MICAL3: variants seen among roughly 807,000 people sequenced by gnomAD.
MICAL3 encodes [F-actin]-monooxygenase MICAL3.
In MICAL3, 62 loss-of-function variants were observed where a neutral mutation model predicts 207.4. That is an observed-to-expected ratio of 0.30 (90% CI 0.24 to 0.37). The LOEUF (loss-of-function observed/expected upper bound fraction) is 0.37. Among genes scored for constraint, MICAL3 ranks in the 10% least tolerant of loss-of-function variants. MICAL3 has a pLI of 1.00. For missense variants in MICAL3, 2,368 were observed against 2,635.6 expected (o/e 0.90, Z 2.22); for synonymous variants, 1,077 against 1,069.3 (o/e 1.01, Z -0.14).
At chr22:17,974,468 T>C (rs960858682) in intron 1 of MICAL3, among the ~76,000 whole-genome samples, 1 of 152,170 alleles carries the variant, frequency 6.6e-6, no homozygotes, top group African/African-American at 2.4e-5. Context: ...TCCCAACACT[T>C]TGGGAGGCCA....
At chr22:17,851,220 A>G (rs1925294995) in intron 19 of MICAL3, among the ~76,000 whole-genome samples, 1 of 152,216 alleles carries the variant, frequency 6.6e-6, no homozygotes, top group Non-Finnish European at 1.5e-5. Flanking sequence ...ACAGTTACAT[A>G]ACAAGTAATC....
At chr22:17,917,440 C>T (rs113798410) in intron 1 of MICAL3, among the ~76,000 whole-genome samples, 12 of 152,296 alleles carry the variant, frequency 7.9e-5, no homozygotes, top group African/African-American at 1.2e-4. Flanking sequence ...CTGTGTTCTA[C>T]CTTCAAATAC....
chr22:17,938,290 G>T (rs150826827), intron 1 of MICAL3, among the ~76,000 whole-genome samples: 196 of 152,282 alleles, frequency 1.3e-3, no homozygotes, highest in African/African-American at 4.6e-3. Flanking sequence ...GAACTCACAG[G>T]TGTCAAGAAT....
chr22:17,961,572 T>A (rs9605455), intron 1 of MICAL3, among the ~76,000 whole-genome samples: 7,968 of 152,168 alleles, frequency 0.052, 402 homozygotes, highest in African/African-American at 0.13. Context: ...CCAGAGCCCC[T>A]TGCCAAGCCT....
chr22:17,818,166 G>C lies in MICAL3; in HGVS notation c.4495C>G (p.Arg1499Gly), dbSNP rs373213687. The C allele has an allele frequency of 1.6e-5, 26 of 1,590,714 alleles. No homozygotes were observed. Among genetic ancestry groups the C allele is most frequent in the Non-Finnish European group, 2.0e-5 (23 of 1,170,750 alleles). ...PLPATWMRPP[R>G]EPAQPPREEV... ...TCTCTGGGGGGCTGAGCAGGCTCCCGGGGGGGCCGCATCCAGGTGGCGGGC... is the reference window on the plus strand; with the variant it reads ...TCTCTGGGGGGCTGAGCAGGCTCCCCGGGGGGCCGCATCCAGGTGGCGGGC... The change falls in exon 26 of 32, where the codon CGG becomes GGG. Residue 1499 changes from arginine to glycine, a missense_variant. This residue lies in a region of MICAL3 where 1,770 missense variants were observed against 1,863.2 expected (regional missense o/e 0.95). Transcript: ENST00000441493.
At chr22:17,899,285 T>C in intron 7 of MICAL3, 163 bp downstream of exon 7, 1 of 699,340 alleles carries the variant, frequency 1.4e-6, no homozygotes, top group Non-Finnish European at 2.6e-6. Context: ...TAGCCATAGT[T>C]AAGAGTTGTT....
chr22:17,992,954 G>A (rs181712328), intron 1 of MICAL3, among the ~76,000 whole-genome samples: 80 of 152,256 alleles, frequency 5.3e-4, no homozygotes, highest in East Asian at 5.0e-3. Context: ...AAGGCGAAGC[G>A]ATCACTGTTA....
chr22:17,955,364 C>G (rs1046509654), intron 1 of MICAL3, among the ~76,000 whole-genome samples: 30 of 152,204 alleles, frequency 2.0e-4, no homozygotes, highest in African/African-American at 6.5e-4. Context: ...CCCCAACACC[C>G]GCTCTTACCC....
chr22:17,845,975 C>T lies in MICAL3; in HGVS notation c.2606-3958G>A, dbSNP rs375770462. Among the ~76,000 whole-genome samples the T allele has an allele frequency of 3.9e-5, 6 of 152,238 alleles. No individual in the cohort carries two copies. The South Asian group carries it at 1.2e-3, about 32-fold the overall frequency. ...TGGGTTGTCAGGCAACAGAACTTGG[C>T]AGTCCAAGCCCAGGGCCAGAGCTCT... On this transcript the variant is annotated intron_variant, in intron 19 of 31. Coordinates refer to ENST00000441493, the MANE Select transcript of MICAL3 (RefSeq NM_015241.3).
At chr22:17,804,992 C>T (rs577581671) in intron 29 of MICAL3, among the ~76,000 whole-genome samples, 6 of 152,298 alleles carry the variant, frequency 3.9e-5, no homozygotes, top group South Asian at 2.1e-4. Flanking sequence ...CCTGGCCATA[C>T]GTCGTCATAC....
chr22:17,929,568 C>CTTTTT lies in MICAL3; in HGVS notation c.-74-22687_-74-22683dup, dbSNP rs67222681. ...ATTTTTCTTTCTTTCCTTTTCTTTT[C>CTTTTT]TTTTTTTTTTTTTTTTTTTGACAGG... On this transcript the variant is annotated intron_variant, in intron 1 of 31. Transcript: ENST00000441493. Among the ~76,000 whole-genome samples the CTTTTT allele has an allele frequency of 2.6e-3, 283 of 108,884 alleles. 3 individuals carry two copies. Among genetic ancestry groups the CTTTTT allele is most frequent in the Middle Eastern group, 6.3e-3 (1 of 160 alleles). The allele number at this position is 108,884 out of a possible 152,430, so 71.4% of individuals were successfully genotyped here.
At position 17,888,436 on chromosome 22, in the gene MICAL3, A is replaced by G. The variant is rs985914631; in HGVS notation, c.1891+598T>C. Among the ~76,000 whole-genome samples the G allele has an allele frequency of 2.0e-4, 23 of 116,874 alleles. No homozygotes were observed. The East Asian group carries it at 2.1e-3, about 10-fold the overall frequency. 76.7% of individuals were successfully genotyped at this position (116,874 alleles called of 152,430 possible). On this transcript the variant is annotated intron_variant, in intron 13 of 31. Transcript: ENST00000441493. ...GGGAAGTGCTAACAAGTAGGAGTAG[A>G]AAGAAGCCAAGAGAATGCACAGTGA...
rs771111753 is a variant in MICAL3 at position 17,871,955 on chromosome 22, C to A, written c.2310G>T (p.Arg770=). ...CACTCAGCCTCTCCATCACGTAGACCCGCTTCTGGCAGAAGTAGCATGTGT... is the reference window on the plus strand; with the variant it reads ...CACTCAGCCTCTCCATCACGTAGACACGCTTCTGGCAGAAGTAGCATGTGT... ...GSDTCYFCQK[R]VYVMERLSAE... The change falls in exon 17 of 32, where the codon CGG becomes CGT. Residue 770 remains arginine, a synonymous_variant. Transcript: ENST00000441493. 5 of 1,611,256 alleles carry A rather than the reference C, an allele frequency of 3.1e-6. No homozygotes were observed. In the Middle Eastern group the frequency reaches 6.6e-4, roughly 213 times the overall value.
chr22:17,968,644 A>G (rs1220213298), intron 1 of MICAL3, among the ~76,000 whole-genome samples: 2 of 152,192 alleles, frequency 1.3e-5, no homozygotes, highest in East Asian at 3.8e-4. Context: ...AGAGTGATAT[A>G]ATAATTACCA....
intron 13 of MICAL3, 101 bp downstream of exon 13, chr22:17,888,931 TTG>T: frequency 2.8e-6 from 2 of 721,446 alleles, no homozygotes; most frequent in Non-Finnish European, 4.5e-6. Context: ...CAGAGTAACT[TTG>T]TGTTTGGTGG....
At chr22:17,913,259 T>C (rs556358521) in intron 1 of MICAL3, among the ~76,000 whole-genome samples, 2 of 151,412 alleles carry the variant, frequency 1.3e-5, no homozygotes, top group Admixed American at 6.6e-5. Flanking sequence ...CATTGTGAAC[T>C]TCCTTAGGGC....
chr22:18,015,721 T>G lies in MICAL3; in HGVS notation c.-75+8560A>C, dbSNP rs9618185. ...CTCTAATCCATCACTTCAGCACAGC[T>G]ATGGCACAGGCACACAGATTATTAC... On this transcript the variant is annotated intron_variant, in intron 1 of 31. Coordinates refer to ENST00000441493, the MANE Select transcript of MICAL3 (RefSeq NM_015241.3). Among the ~76,000 whole-genome samples, 1,228 of 152,320 alleles carry G rather than the reference T, an allele frequency of 8.1e-3. 21 individuals are homozygous for G. The highest frequency in any genetic ancestry group is 0.029 in the African/African-American group (1,187 of 41,566).
intron 16 of MICAL3, among the ~76,000 whole-genome samples, chr22:17,874,066 CA>C (rs1029111407): frequency 6.6e-6 from 1 of 152,194 alleles, no homozygotes; most frequent in African/African-American, 2.4e-5. Flanking sequence ...AAGCACCGGG[CA>C]GGGGGAAGCA....
In MICAL3 at chr22:17,896,728, AG is replaced by A; in HGVS notation, c.1201del (p.Leu401Ter). On this transcript the variant is annotated frameshift_variant, in exon 8 of 32. Transcript: ENST00000441493. LOFTEE classifies it high-confidence loss of function. ...GCTGCCATGCTTAGCACTCACCTCT[AG>A]GAGGCTGTCCCCGACCAGAGCCACT... ...LLVALVGDSL[L>X]EPFWPMGTGI... 6.2e-7 allele frequency: 1 copy of A among 1,613,438 alleles called. No individual in the cohort carries two copies. Among genetic ancestry groups the A allele is most frequent in the Non-Finnish European group, 8.5e-7 (1 of 1,179,718 alleles).
Sources: allele counts gnomAD v4.1 joint callset (sites outside exome capture counted in the v4.1 genomes callset), GRCh38; gene constraint gnomAD v4.1.1; regional missense constraint gnomAD v4.1.1; transcripts MANE v1.5; gene names NCBI Gene and HGNC (gene_info 2026-07-23, HGNC 2026-07-21).